The following RGS16 variants were observed in gnomAD, a reference collection of about 807,000 sequenced individuals.
RGS16 encodes regulator of G protein signaling 16, also known as hRGS-r.
RGS16 carries 12 observed loss-of-function variants against 18.1 expected under a neutral mutation model. The observed-to-expected ratio is 0.66, with a 90% CI of 0.42 to 1.07. The LOEUF (loss-of-function observed/expected upper bound fraction) is 1.07. Ranked by LOEUF, RGS16 falls within the 50% of genes least tolerant of loss-of-function variation. The probability of loss-of-function intolerance (pLI) is 0.00; values close to 1 mark genes in which losing one functional copy is unlikely to be tolerated. For missense variants in RGS16, 238 were observed against 249.2 expected, an observed-to-expected ratio of 0.95 and a Z score of 0.30; for synonymous variants, 88 against 102.0, an observed-to-expected ratio of 0.86 and a Z score of 0.83.
At position 182,600,070 on chromosome 1, in the gene RGS16, C is replaced by T. The variant is rs1661832807; in HGVS notation, c.*222G>A. On this transcript the variant is annotated 3_prime_UTR_variant, in exon 5 of 5. Transcript: ENST00000367558. ...TCATCATTAGCCCTTATTCACAGGT[C>T]CTGGAAGTGGGCGGCTCCTCTCCAG... is the stretch of plus-strand genomic sequence containing the variant. 1 of 579,040 alleles carries T rather than the reference C, an allele frequency of 1.7e-6. No homozygotes were observed. The highest frequency in any genetic ancestry group is 3.1e-6 in the Non-Finnish European group (1 of 326,506). 35.9% of individuals were successfully genotyped at this position (579,040 alleles called of 1,614,324 possible).
chr1:182,600,184 T>TTTTTTTTA lies in RGS16; in HGVS notation c.*107_*108insTAAAAAAA. ...TTTTTTTTTTTTTTTTTTTTTTTTG[T>TTTTTTTTA]CCTCTTGCACTTGCTTTGCAGAACC... On this transcript the variant is annotated 3_prime_UTR_variant, in exon 5 of 5. Transcript: ENST00000367558. The TTTTTTTTA allele has an allele frequency of 2.4e-6, 1 of 417,604 alleles. No individual in the cohort carries two copies. Among genetic ancestry groups the TTTTTTTTA allele is most frequent in the Non-Finnish European group, 4.2e-6 (1 of 240,322 alleles). The allele number at this position is 417,604 out of a possible 1,614,324, so 25.9% of individuals were successfully genotyped here. A position where few individuals can be genotyped will look rare whatever the true frequency, so the allele number is the denominator to read the frequency against.
Position 182,602,056 on chromosome 1 carries a change from C to T in RGS16, c.297G>A (p.Glu99=). The T allele has an allele frequency of 1.2e-6, 2 of 1,614,198 alleles. No individual in the cohort carries two copies. Among genetic ancestry groups the T allele is most frequent in the Non-Finnish European group, 1.7e-6 (2 of 1,180,034 alleles). Residue 99 remains glutamate (E), a synonymous_variant, in exon 4 of 5, where the codon GAG becomes GAA. Coordinates refer to ENST00000367558, the MANE Select transcript of RGS16 (RefSeq NM_002928.4). ...TAGCTGATCGGATCTTCTTGAACTC[C>T]TCACAGGCCAGCCAGAACTCCAGGT... is the stretch of plus-strand genomic sequence containing the variant. ...EENLEFWLAC[E]EFKKIRSATK... is the part of the protein sequence containing the mutation.
chr1:182,601,241 C>T (rs536641375), intron 4 of RGS16, among the ~76,000 whole-genome samples: 2 of 152,354 alleles, frequency 1.3e-5, no homozygotes, highest in East Asian at 3.9e-4. Context: ...CTCCCTGTCT[C>T]TCATTTCCTG....
At position 182,603,265 on chromosome 1, in the gene RGS16, C is replaced by A; in HGVS notation, c.119G>T (p.Gly40Val). The A allele has an allele frequency of 1.9e-6, 3 of 1,614,100 alleles. No homozygotes were observed. Among genetic ancestry groups the A allele is most frequent in the Non-Finnish European group, 2.5e-6 (3 of 1,179,934 alleles). ...GTGTTTACTGCCCCACTCGAACTTG[C>A]CAGTACTCCCAGTATCGCAGCCCAG... Reference protein sequence around the residue: ...SELGCDTGSTGKFEWGSKHSK... With the variant: ...SELGCDTGSTVKFEWGSKHSK... Residue 40 changes from glycine to valine, a missense_variant, in exon 2 of 5, where the codon GGC becomes GTC. By Grantham distance (109) the Gly-to-Val change is moderately radical. Transcript: ENST00000367558.
Position 182,600,521 on chromosome 1 carries a change from A to AAGG in RGS16, c.388-11_388-9dup, listed in dbSNP as rs781257022. ...CTCATGGTCAATGTTGACCTGCGGG[A>AAGG]AGGAGGACACACACAGGGTGAGTTG... On this transcript the variant is annotated splice_polypyrimidine_tract_variant and intron_variant, in intron 4 of 4. Transcript: ENST00000367558. 5.6e-6 allele frequency: 9 copies of AAGG among 1,611,970 alleles called. No individual in the cohort carries two copies. In the East Asian group the frequency reaches 1.8e-4, roughly 32 times the overall value.
In RGS16 at chr1:182,598,798, A is replaced by G. The variant is rs1661809597; in HGVS notation, c.*1494T>C. 1 of 152,670 alleles carries G rather than the reference A, an allele frequency of 6.6e-6. No individual in the cohort carries two copies. The highest frequency in any genetic ancestry group is 2.4e-5 in the African/African-American group (1 of 41,464). 9.5% of individuals were successfully genotyped at this position (152,670 alleles called of 1,614,324 possible). A position where few individuals can be genotyped will look rare whatever the true frequency, so the allele number is the denominator to read the frequency against. ...AGAGGTTCCCAGCACATTCAGAGGT[A>G]GAGTCTGGTAGAGAAAGGGAGACAG... On this transcript the variant is annotated 3_prime_UTR_variant, in exon 5 of 5. Coordinates refer to ENST00000367558, the MANE Select transcript of RGS16 (RefSeq NM_002928.4).
rs1377303880 is a variant in RGS16 at position 182,599,757 on chromosome 1, C to T, written c.*535G>A. 6.2e-6 allele frequency: 1 copy of T among 161,322 alleles called. No individual in the cohort carries two copies. The highest frequency in any genetic ancestry group is 2.4e-5 in the African/African-American group (1 of 41,462). The allele number at this position is 161,322 out of a possible 1,614,324, so 10.0% of individuals were successfully genotyped here. On this transcript the variant is annotated 3_prime_UTR_variant, in exon 5 of 5. Coordinates refer to ENST00000367558, the MANE Select transcript of RGS16 (RefSeq NM_002928.4). ...GTTACGAGGTACAAGCTAAGGGACT[C>T]TGGGCTAGCCCAGAGGCCAGTGAGG...
rs1661842809 is a variant in RGS16, at chr1:182,600,420, T to C, written c.481A>G (p.Thr161Ala). 6.2e-7 allele frequency: 1 copy of C among 1,614,026 alleles called. No homozygotes were observed. Among genetic ancestry groups the C allele is most frequent in the Non-Finnish European group, 8.5e-7 (1 of 1,179,984 alleles). The change falls in exon 5 of 5, where the codon ACC (threonine) becomes GCC (alanine). Residue 161 changes from threonine (T) to alanine (A), a missense_variant. Transcript: ENST00000367558. ...GGGTAGGAGTCCTTCTCCATCAGGGTACGTGTCTTCCCCTGAGCCGCATCA... is the reference window on the plus strand; with the variant it reads ...GGGTAGGAGTCCTTCTCCATCAGGGCACGTGTCTTCCCCTGAGCCGCATCA... ...CFDAAQGKTR[T>A]LMEKDSYPRF... is the part of the protein sequence containing the mutation.
Position 182,604,356 on chromosome 1 carries a change from A to G in RGS16, c.-97T>C, listed in dbSNP as rs1338569306. On this transcript the variant is annotated 5_prime_UTR_variant, in exon 1 of 5. Transcript: ENST00000367558. The stretch of plus-strand genomic sequence containing the variant: ...AAGCAAAGGCGCGGTAGCAGGTGCT[A>G]GTCAACTGCGGTTGGGTTTAGCAGC... 3.9e-6 allele frequency: 5 copies of G among 1,277,728 alleles called. No individual in the cohort carries two copies. The highest frequency in any genetic ancestry group is 1.5e-5 in the African/African-American group (1 of 66,580). The allele number at this position is 1,277,728 out of a possible 1,614,324, so 79.1% of individuals were successfully genotyped here.
chr1:182,600,207 A>T lies in RGS16; in HGVS notation c.*85T>A. ...TGTCCTCTTGCACTTGCTTTGCAGA[A>T]CCTGCCTCCCACACAGGGGCAGCCA... On this transcript the variant is annotated 3_prime_UTR_variant, in exon 5 of 5. Transcript: ENST00000367558. 1.1e-6 allele frequency: 1 copy of T among 931,634 alleles called. No individual in the cohort carries two copies. The highest frequency in any genetic ancestry group is 1.7e-6 in the Non-Finnish European group (1 of 597,986). The allele number at this position is 931,634 out of a possible 1,614,324, so 57.7% of individuals were successfully genotyped here.
chr1:182,603,058 C>T (rs1412079741), intron 2 of RGS16, among the ~76,000 whole-genome samples, 171 bp downstream of exon 2: 1 of 152,192 alleles, frequency 6.6e-6, no homozygotes, highest in East Asian at 1.9e-4. Flanking sequence ...TACCCACTCA[C>T]CCATGAGCCA....
chr1:182,602,541 AG>A (rs1661884582), intron 2 of RGS16, 57 bp from the exon 3 acceptor site: 3 of 1,406,320 alleles, frequency 2.1e-6, no homozygotes, highest in Non-Finnish European at 3.0e-6. Flanking sequence ...ACCAAAGCAT[AG>A]TACAAATTCT....
In RGS16 at chr1:182,600,032, G is replaced by T. The variant is rs1661832200; in HGVS notation, c.*260C>A. On this transcript the variant is annotated 3_prime_UTR_variant, in exon 5 of 5. Transcript: ENST00000367558. ...ATACCACCTTTTTGCCCCACAGAGA[G>T]CCCCACCAACCCTCATCATTAGCCC... 2 of 521,226 alleles carry T rather than the reference G, an allele frequency of 3.8e-6. No individual in the cohort carries two copies. The highest frequency in any genetic ancestry group is 1.9e-5 in the African/African-American group (1 of 52,210). 32.3% of individuals were successfully genotyped at this position (521,226 alleles called of 1,614,324 possible). A position where few individuals can be genotyped will look rare whatever the true frequency, so the allele number is the denominator to read the frequency against.
Position 182,600,575 on chromosome 1 carries a change from G to A in RGS16, c.388-62C>T, listed in dbSNP as rs987392673. ...AAGAGGGTGGGCATGGCTGAGGGAG[G>A]GCCAACGGCAGGCTGGGCATTGGAA... On this transcript the variant is annotated intron_variant, in intron 4 of 4. Transcript: ENST00000367558. 4 of 1,380,498 alleles carry A rather than the reference G, an allele frequency of 2.9e-6. No homozygotes were observed. The African/African-American group carries it at 5.7e-5, about 20-fold the overall frequency. 85.5% of individuals were successfully genotyped at this position (1,380,498 alleles called of 1,614,324 possible). A position where few individuals can be genotyped will look rare whatever the true frequency, so the allele number is the denominator to read the frequency against.
chr1:182,599,069 G>C lies in RGS16; in HGVS notation c.*1223C>G, dbSNP rs694383. 0.96 allele frequency: 146,950 copies of C among 153,356 alleles called. 70,483 individuals carry two copies. Among genetic ancestry groups the C allele is most frequent in the East Asian group, 1 (5,314 of 5,314 alleles). The allele number at this position is 153,356 out of a possible 1,614,324, so 9.5% of individuals were successfully genotyped here. ...CAGCCTGGGCTCTGCCGCAGGAGTT[G>C]CCATCAGGAAATGTTTGTTCAGTGA... On this transcript the variant is annotated 3_prime_UTR_variant, in exon 5 of 5. Coordinates refer to ENST00000367558, the MANE Select transcript of RGS16 (RefSeq NM_002928.4).
intron 4 of RGS16, among the ~76,000 whole-genome samples, chr1:182,600,951 CAGA>C (rs1309962663): frequency 2.0e-5 from 3 of 152,122 alleles, no homozygotes; most frequent in Non-Finnish European, 2.9e-5. Flanking sequence ...TCATGTCTTT[CAGA>C]AGAAGAGCCA....
chr1:182,603,957 G>A (rs1432695694), intron 1 of RGS16, among the ~76,000 whole-genome samples: 1 of 152,154 alleles, frequency 6.6e-6, no homozygotes, highest in South Asian at 2.1e-4. Flanking sequence ...TCCCGCAGCC[G>A]GGTCTTCAGC....
At position 182,600,344 on chromosome 1, in the gene RGS16, G is replaced by A. The variant is rs1173053379; in HGVS notation, c.557C>T (p.Ala186Val). 6.2e-7 allele frequency: 1 copy of A among 1,613,946 alleles called. No individual in the cohort carries two copies. The highest frequency in any genetic ancestry group is 8.5e-7 in the Non-Finnish European group (1 of 1,179,976). Residue 186 changes from alanine to valine, a missense_variant, in exon 5 of 5, where the codon GCC (alanine) becomes GTC (valine). Ala to Val is a moderately conservative substitution (Grantham distance 64). Transcript: ENST00000367558. ...AYRDLAAQAS[A>V]ASATLSSCSL... is the part of the protein sequence containing the mutation. ...GCAGCTGGACAGAGTGGCAGAGGCGGCTGAGGCTTGGGCAGCCAGGTCCCG... is the reference window on the plus strand; with the variant it reads ...GCAGCTGGACAGAGTGGCAGAGGCGACTGAGGCTTGGGCAGCCAGGTCCCG...
rs1275330264 is a variant in RGS16, at chr1:182,602,145, G to T, written c.221-13C>A. On this transcript the variant is annotated splice_polypyrimidine_tract_variant and intron_variant, in intron 3 of 4. Transcript: ENST00000367558. ...GCAGCCACTCCATCTGGGGTTGCGG[G>T]AAAGAAGAGGAAATAGGTCAGCTGG... The T allele has an allele frequency of 6.2e-7, 1 of 1,613,588 alleles. No homozygotes were observed. Among genetic ancestry groups the T allele is most frequent in the Non-Finnish European group, 8.5e-7 (1 of 1,179,628 alleles).
Sources: allele counts gnomAD v4.1 joint callset (sites outside exome capture counted in the v4.1 genomes callset), GRCh38; gene constraint gnomAD v4.1.1; transcripts MANE v1.5; gene names NCBI Gene and HGNC (gene_info 2026-07-23, HGNC 2026-07-21).